Variants in PARP16 observed in about 807,000 individuals in gnomAD.
The protein encoded by PARP16 is protein mono-ADP-ribosyltransferase PARP16.
In PARP16, 31 loss-of-function variants were observed where a neutral mutation model predicts 35.0. The ratio of observed to expected loss-of-function variants is 0.88; its 90% CI spans 0.66 to 1.19. PARP16 has a LOEUF of 1.19. Ranked by LOEUF, PARP16 falls within the 50% of genes most tolerant of loss-of-function variation. The probability of loss-of-function intolerance (pLI) is 0.00; values close to 1 mark genes in which losing one functional copy is unlikely to be tolerated. For synonymous variants in PARP16, 162 were observed against 169.5 expected, an observed-to-expected ratio of 0.96 and a Z score of 0.34; for missense variants, 424 against 411.2, an observed-to-expected ratio of 1.03 and a Z score of -0.27.
At chr15:65,266,526 C>A in intron 3 of PARP16, 36 bp downstream of exon 3, 1 of 1,554,894 alleles carries the variant, frequency 6.4e-7, no homozygotes, top group Admixed American at 1.7e-5. Context: ...TCCATCCCTG[C>A]TTCCCCACAT....
chr15:65,231,497 T>TAA (rs2088778347), downstream of PARP16, among the ~76,000 whole-genome samples: 2 of 151,460 alleles, frequency 1.3e-5, no homozygotes, highest in African/African-American at 4.9e-5. Flanking sequence ...TCACCCAGGC[T>TAA]AAAGTGCAGG....
intron 3 of PARP16, among the ~76,000 whole-genome samples, chr15:65,237,217 T>C (rs1248351044): frequency 6.6e-6 from 1 of 152,044 alleles, no homozygotes; most frequent in Non-Finnish European, 1.5e-5. Context: ...TATACCTCCT[T>C]GCCTGAGATT....
Position 65,258,142 on chromosome 15 carries a change from T to C in PARP16, c.*1265A>G, listed in dbSNP as rs1192733117. ...TATTTATTCTGAAATGTTCCAATAA[T>C]CAATGTAAAAACTGTGGTAGTGGCT... On this transcript the variant is annotated 3_prime_UTR_variant, in exon 6 of 6. Transcript: ENST00000649807. The C allele has an allele frequency of 6.6e-6, 1 of 152,218 alleles. No homozygotes were observed. Among genetic ancestry groups the C allele is most frequent in the Non-Finnish European group, 1.5e-5 (1 of 68,028 alleles). The allele number at this position is 152,218 out of a possible 1,614,324, so 9.4% of individuals were successfully genotyped here.
At position 65,270,951 on chromosome 15, in the gene PARP16, C is replaced by T. The variant is rs1567031218; in HGVS notation, c.296G>A (p.Ser99Asn). 1.9e-6 allele frequency: 3 copies of T among 1,614,190 alleles called. No homozygotes were observed. The highest frequency in any genetic ancestry group is 1.1e-5 in the South Asian group (1 of 91,088). Residue 99 changes from serine (S) to asparagine (N), a missense_variant, in exon 2 of 6, where the codon AGT becomes AAT. Transcript: ENST00000649807. Reference sequence around the variant, plus strand: ...AAGTCTCACCTCTGCCTTCCCTGCACTGTGGATTGTCAGGACCTTTGAGGA... The same window carrying T: ...AAGTCTCACCTCTGCCTTCCCTGCATTGTGGATTGTCAGGACCTTTGAGGA... The part of the protein sequence containing the change: ...ILSSKVLTIH[S>N]AGKAEFEKIQ...
Position 65,263,144 on chromosome 15 carries a change from C to G in PARP16, c.691+5G>C. The G allele has an allele frequency of 6.2e-7, 1 of 1,613,050 alleles. No homozygotes were observed. Among genetic ancestry groups the G allele is most frequent in the East Asian group, 2.2e-5 (1 of 44,842 alleles). ...AGCCCAGGTCTGGACCAAGTGCTCA[C>G]TCACCCTTCTTCTTGGTTTGGCACT... On this transcript the variant is annotated splice_donor_5th_base_variant and intron_variant, in intron 4 of 5. Coordinates refer to ENST00000649807, the MANE Select transcript of PARP16 (RefSeq NM_001316943.2).
At chr15:65,246,961 A>G (rs994530642) in intron 3 of PARP16, among the ~76,000 whole-genome samples, 2 of 152,148 alleles carry the variant, frequency 1.3e-5, no homozygotes, top group Non-Finnish European at 2.9e-5. Context: ...ATATTTATTG[A>G]ACATCTACTA....
downstream of PARP16, among the ~76,000 whole-genome samples, chr15:65,255,607 T>A (rs950874588): frequency 4.5e-4 from 69 of 151,834 alleles, no homozygotes; most frequent in African/African-American, 1.6e-3. Context: ...CCACTAACCC[T>A]GGAGCTCCTG....
chr15:65,267,253 A>G (rs779047053), intron 2 of PARP16, among the ~76,000 whole-genome samples: 1 of 151,630 alleles, frequency 6.6e-6, no homozygotes, highest in Non-Finnish European at 1.5e-5. Flanking sequence ...AAAAATAATA[A>G]TAATAAATAA....
At chr15:65,270,035 A>C (rs1199904531) in intron 2 of PARP16, among the ~76,000 whole-genome samples, 1 of 152,256 alleles carries the variant, frequency 6.6e-6, no homozygotes, top group East Asian at 1.9e-4. Flanking sequence ...CTAACACAGA[A>C]GAATGTCCCT....
chr15:65,243,100 T>C (rs2089122659), intron 3 of PARP16, among the ~76,000 whole-genome samples: 1 of 152,226 alleles, frequency 6.6e-6, no homozygotes, highest in Admixed American at 6.5e-5. Flanking sequence ...TTTACTTTTT[T>C]CTTTCCAAAC....
intron 2 of PARP16, among the ~76,000 whole-genome samples, chr15:65,268,697 G>A (rs186753583): frequency 1.5e-3 from 223 of 152,180 alleles, no homozygotes; most frequent in Non-Finnish European, 1.9e-3. Context: ...TCCCACCTTG[G>A]CCTCCCAAAG....
chr15:65,246,212 G>A (rs1285523693), intron 3 of PARP16, among the ~76,000 whole-genome samples: 1 of 152,108 alleles, frequency 6.6e-6, no homozygotes, highest in Non-Finnish European at 1.5e-5. Context: ...CTCCAGGTCA[G>A]GGATATTTTG....
intron 1 of PARP16, among the ~76,000 whole-genome samples, chr15:65,274,418 CA>C (rs915001606): frequency 2.0e-5 from 3 of 150,578 alleles, no homozygotes; most frequent in Non-Finnish European, 3.0e-5. Context: ...AAACAAACAA[CA>C]AAAAAAAATT....
chr15:65,254,250 A>G (rs185989686), downstream of PARP16, among the ~76,000 whole-genome samples: 2 of 151,784 alleles, frequency 1.3e-5, no homozygotes, highest in African/African-American at 4.8e-5. Flanking sequence ...TTTTTGAAAA[A>G]CCCTTTCCAG....
At chr15:65,251,677 A>G (rs1296585777) in intron 2 of PARP16, among the ~76,000 whole-genome samples, 1 of 152,178 alleles carries the variant, frequency 6.6e-6, no homozygotes, top group Non-Finnish European at 1.5e-5. Flanking sequence ...TACTATTATT[A>G]TATCAAAATG....
intron 1 of PARP16, among the ~76,000 whole-genome samples, chr15:65,280,249 C>A (rs1482525422): frequency 1.3e-5 from 2 of 151,806 alleles, no homozygotes; most frequent in East Asian, 1.9e-4. Flanking sequence ...CCAGCCTGGG[C>A]AACATGGTGA....
At chr15:65,238,290 GA>G (rs200606012) in intron 3 of PARP16, among the ~76,000 whole-genome samples, 2 of 150,238 alleles carry the variant, frequency 1.3e-5, no homozygotes, top group African/African-American at 2.4e-5. Context: ...TGCCTCAAAA[GA>G]AAAAAAAACA....
chr15:65,264,054 C>A (rs2028588), intron 3 of PARP16, among the ~76,000 whole-genome samples: 38,748 of 151,878 alleles, frequency 0.26, 5,412 homozygotes, highest in African/African-American at 0.35. Flanking sequence ...GAAACTATAA[C>A]AAAATGAGGG....
rs544136455 is a variant in PARP16 at position 65,286,516 on chromosome 15, T to A, written c.-90A>T. On this transcript the variant is annotated 5_prime_UTR_variant, in exon 1 of 6. Transcript: ENST00000649807. ...GCGCGGGGGCTGGGCCCGCGGACAA[T>A]GGGCCGTCAGGGGCCGGGTTCCCAA... 1.8e-5 allele frequency: 19 copies of A among 1,054,704 alleles called. No individual in the cohort carries two copies. In the East Asian group the frequency reaches 5.0e-4, roughly 28 times the overall value. 65.3% of individuals were successfully genotyped at this position (1,054,704 alleles called of 1,614,324 possible).
Sources: allele counts gnomAD v4.1 joint callset (sites outside exome capture counted in the v4.1 genomes callset), GRCh38; gene constraint gnomAD v4.1.1; transcripts MANE v1.5; gene names NCBI Gene and HGNC (gene_info 2026-07-23, HGNC 2026-07-21).